CDH18: variants seen among roughly 807,000 people sequenced by gnomAD.
The protein encoded by CDH18 is cadherin 18.
In CDH18, 31 loss-of-function variants were observed where a neutral mutation model predicts 67.9. That is an observed-to-expected ratio of 0.46 (90% confidence interval 0.34 to 0.62). The LOEUF (loss-of-function observed/expected upper bound fraction) is 0.62, where lower values mean the gene tolerates loss of function less well. Ranked by LOEUF, CDH18 falls within the 20% of genes least tolerant of loss-of-function variation. The pLI is 0.01. For synonymous variants in CDH18, 362 were observed against 347.2 expected (o/e 1.04, Z -0.48); for missense variants, 890 against 975.5 (o/e 0.91, Z 1.17).
At chr5:20,039,865 AGAGCTTCTGCACAGCAAAG>A (rs1257151099) in intron 2 of CDH18, among the ~76,000 whole-genome samples, 1 of 152,228 alleles carries the variant, frequency 6.6e-6, no homozygotes, top group East Asian at 1.9e-4. Flanking sequence ...ATTAAACTAA[AGAGCTTCTGCACAGCAAAG>A]GAAACTATCA....
intron 2 of CDH18, among the ~76,000 whole-genome samples, chr5:20,189,783 C>A (rs1202105303): frequency 6.6e-6 from 1 of 152,082 alleles, no homozygotes; most frequent in East Asian, 1.9e-4. Flanking sequence ...TCTTGGTTTC[C>A]TTTTTCATGA....
At chr5:20,211,014 A>T (rs1580487295) in intron 2 of CDH18, among the ~76,000 whole-genome samples, 1 of 152,150 alleles carries the variant, frequency 6.6e-6, no homozygotes, top group African/African-American at 2.4e-5. Flanking sequence ...TTCATTAATT[A>T]CCAGTATACA....
At chr5:19,952,109 C>T (rs6866274) in intron 2 of CDH18, among the ~76,000 whole-genome samples, 20,254 of 152,002 alleles carry the variant, frequency 0.13, 3,919 homozygotes, top group African/African-American at 0.43. Context: ...AGCGCAGTGG[C>T]GCCATTTCAG....
intron 2 of CDH18, among the ~76,000 whole-genome samples, chr5:19,840,287 A>C (rs866513586): frequency 1.9e-5 from 1 of 52,348 alleles, no homozygotes; most frequent in East Asian, 4.5e-4. Context: ...AAAAAAAAAA[A>C]GAAAAAAAAA....
At chr5:20,001,620 A>T (rs1175911647) in intron 2 of CDH18, among the ~76,000 whole-genome samples, 1 of 151,938 alleles carries the variant, frequency 6.6e-6, no homozygotes, top group Non-Finnish European at 1.5e-5. Flanking sequence ...ATAAAATGGG[A>T]TTTCATTTTC....
intron 2 of CDH18, among the ~76,000 whole-genome samples, chr5:20,090,453 T>C (rs1745320649): frequency 6.6e-6 from 1 of 152,050 alleles, no homozygotes; most frequent in Non-Finnish European, 1.5e-5. Context: ...GAGAATCGCT[T>C]GAACCTGGGA....
Position 19,614,875 on chromosome 5 carries a change from C to T in CDH18, c.644-2274G>A, listed in dbSNP as rs140680502. Among the ~76,000 whole-genome samples, 35 of 152,180 alleles carry T rather than the reference C, an allele frequency of 2.3e-4. No homozygotes were observed. The East Asian group carries it at 4.9e-3, about 21-fold the overall frequency. On this transcript the variant is annotated intron_variant, in intron 5 of 12. Transcript: ENST00000382275. The stretch of plus-strand genomic sequence containing the variant: ...TAAAATCACAACTCTTGGCTGGGCG[C>T]GGCGGCTCAGGCCTATAATCCCAGC...
chr5:20,573,350 GT>G (rs750074385), intron 1 of CDH18, among the ~76,000 whole-genome samples: 4 of 150,446 alleles, frequency 2.7e-5, no homozygotes, highest in Admixed American at 6.7e-5. Context: ...TTAGAATTAC[GT>G]TTTTTTTTAA....
intron 2 of CDH18, among the ~76,000 whole-genome samples, chr5:19,926,638 A>G (rs1345355700): frequency 6.6e-6 from 1 of 152,128 alleles, no homozygotes; most frequent in Non-Finnish European, 1.5e-5. Context: ...TATTATAGGT[A>G]ATAAAATTGA....
Position 19,533,431 on chromosome 5 carries a change from C to G in CDH18, c.1390+10438G>C, listed in dbSNP as rs542900556. Among the ~76,000 whole-genome samples, 9 of 152,118 alleles carry G rather than the reference C, an allele frequency of 5.9e-5. No individual in the cohort carries two copies. The South Asian group carries it at 1.9e-3, about 32-fold the overall frequency. On this transcript the variant is annotated intron_variant, in intron 9 of 12. Coordinates refer to ENST00000382275, the MANE Select transcript of CDH18 (RefSeq NM_004934.5). Reference sequence around the variant, plus strand: ...AAGAAAAGAGAGTACAAACTGTGAACAGAGTAAATTATTTCAAGGAGCTTT... The same window carrying G: ...AAGAAAAGAGAGTACAAACTGTGAAGAGAGTAAATTATTTCAAGGAGCTTT...
chr5:19,700,988 A>C (rs1763172330), intron 5 of CDH18, among the ~76,000 whole-genome samples: 1 of 152,176 alleles, frequency 6.6e-6, no homozygotes, highest in African/African-American at 2.4e-5. Flanking sequence ...TGAGCAAAAA[A>C]ATAAGCATCG....
At chr5:19,911,542 G>T (rs1465055317) in intron 2 of CDH18, among the ~76,000 whole-genome samples, 1 of 152,064 alleles carries the variant, frequency 6.6e-6, no homozygotes, top group African/African-American at 2.4e-5. Flanking sequence ...ATGAGGTTAT[G>T]ACGGTGATGT....
chr5:20,102,989 G>A (rs1223567268), intron 2 of CDH18, among the ~76,000 whole-genome samples: 1 of 152,186 alleles, frequency 6.6e-6, no homozygotes, highest in Non-Finnish European at 1.5e-5. Flanking sequence ...AATCCTGGAT[G>A]TGTCTAAGAA....
intron 5 of CDH18, among the ~76,000 whole-genome samples, chr5:19,664,623 A>C (rs533240850): frequency 4.6e-5 from 7 of 152,052 alleles, no homozygotes; most frequent in Non-Finnish European, 8.8e-5. Flanking sequence ...AGTTAAATAT[A>C]AATTCAAATG....
rs1161679828 is a variant in CDH18 at position 19,541,949 on chromosome 5, T to C, written c.1390+1920A>G. 3.9e-5 allele frequency among the ~76,000 whole-genome samples: 6 copies of C among 152,326 alleles called. 1 individual carries two copies. The East Asian group carries it at 1.2e-3, about 29-fold the overall frequency. ...GCCATTTAATTTGTTCTTACATTAC[T>C]AAGGATTCACAATTGCTAACGTCTG... is the stretch of plus-strand genomic sequence containing the variant. On this transcript the variant is annotated intron_variant, in intron 9 of 12. Coordinates refer to ENST00000382275, the MANE Select transcript of CDH18 (RefSeq NM_004934.5).
chr5:20,334,358 C>T (rs113101921), intron 1 of CDH18, among the ~76,000 whole-genome samples: 39 of 151,282 alleles, frequency 2.6e-4, no homozygotes, highest in African/African-American at 9.5e-4. Flanking sequence ...AGGATGGTCT[C>T]GATCTCCTGA....
chr5:19,474,640 G>T (rs1738134480), intron 12 of CDH18, among the ~76,000 whole-genome samples: 1 of 152,050 alleles, frequency 6.6e-6, no homozygotes, highest in Non-Finnish European at 1.5e-5. Context: ...GATGGCAAGT[G>T]GAAGAGCTTG....
At chr5:19,917,769 G>A (rs534058212) in intron 2 of CDH18, among the ~76,000 whole-genome samples, 59 of 152,314 alleles carry the variant, frequency 3.9e-4, no homozygotes, top group Middle Eastern at 3.4e-3. Context: ...AACTCGAAGA[G>A]TGTTTTGAAA....
intron 2 of CDH18, among the ~76,000 whole-genome samples, chr5:20,165,626 AT>A (rs1422744177): frequency 3.3e-5 from 5 of 152,144 alleles, no homozygotes; most frequent in African/African-American, 1.2e-4. Context: ...ACATGTAACC[AT>A]TAGGATATTT....
Sources: gnomAD v4.1 joint callset for allele counts (sites outside exome capture counted in the v4.1 genomes callset) on GRCh38, gnomAD v4.1.1 for gene constraint, MANE v1.5 for transcripts, NCBI Gene and HGNC (gene_info 2026-07-23, HGNC 2026-07-21) for gene names.